Variants in RAB21 observed in about 807,000 individuals in gnomAD.
RAB21 encodes ras-related protein Rab-21.
In RAB21, 13 loss-of-function variants were observed where a neutral mutation model predicts 33.1. The observed-to-expected ratio is 0.39, with a 90% CI of 0.26 to 0.62. The LOEUF (loss-of-function observed/expected upper bound fraction) is 0.62, where lower values mean the gene tolerates loss of function less well. Among genes scored for constraint, RAB21 ranks in the 20% least tolerant of loss-of-function variants. RAB21 has a pLI of 0.48. For missense variants in RAB21, 234 were observed against 279.1 expected (o/e 0.84, Z 1.15); for synonymous variants, 91 against 103.7 (o/e 0.88, Z 0.74).
At chr12:71,755,393 A>C in intron 1 of RAB21, 105 bp downstream of exon 1, 48 of 1,289,694 alleles carry the variant, frequency 3.7e-5, no homozygotes, top group Non-Finnish European at 4.4e-5. Flanking sequence ...GGCAAATCTC[A>C]GGCCTGTCAT....
intron 1 of RAB21, among the ~76,000 whole-genome samples, chr12:71,760,110 C>T (rs1169322742): frequency 2.0e-5 from 3 of 152,176 alleles, no homozygotes; most frequent in Non-Finnish European, 4.4e-5. Flanking sequence ...ATTATTTTCA[C>T]ATGAATTATT....
At position 71,789,466 on chromosome 12, in the gene RAB21, T is replaced by C. The variant is rs1230926311; in HGVS notation, c.*3793T>C. The C allele has an allele frequency of 6.6e-6, 1 of 152,158 alleles. No homozygotes were observed. Among genetic ancestry groups the C allele is most frequent in the Non-Finnish European group, 1.5e-5 (1 of 67,994 alleles). 9.4% of individuals were successfully genotyped at this position (152,158 alleles called of 1,614,324 possible). ...GCCTTTAACTTTTAGAATTCATCTT[T>C]TGACTTGTTTGCCACTGTAGAGTTT... On this transcript the variant is annotated 3_prime_UTR_variant, in exon 7 of 7. Coordinates refer to ENST00000261263, the MANE Select transcript of RAB21 (RefSeq NM_014999.4).
At chr12:71,778,210 A>G (rs973770614) in intron 4 of RAB21, among the ~76,000 whole-genome samples, 2 of 152,200 alleles carry the variant, frequency 1.3e-5, no homozygotes, top group African/African-American at 4.8e-5. Context: ...ATGTTTCAAT[A>G]GCAGAGACTT....
At chr12:71,768,186 A>G (rs1327725791) in intron 1 of RAB21, among the ~76,000 whole-genome samples, 1 of 152,180 alleles carries the variant, frequency 6.6e-6, no homozygotes, top group African/African-American at 2.4e-5. Flanking sequence ...GTTTGAACCC[A>G]GCTCTGCCAT....
intron 4 of RAB21, among the ~76,000 whole-genome samples, chr12:71,779,781 G>A (rs1490491531): frequency 6.6e-6 from 1 of 152,122 alleles, no homozygotes; most frequent in Non-Finnish European, 1.5e-5. Flanking sequence ...TTAAGTAGGT[G>A]CTTGCTTTGG....
At chr12:71,778,684 T>C (rs1883155046) in intron 4 of RAB21, among the ~76,000 whole-genome samples, 2 of 152,228 alleles carry the variant, frequency 1.3e-5, no homozygotes, top group African/African-American at 2.4e-5. Context: ...GCTACTATTA[T>C]ATGTTATAAT....
rs1883308606 is a variant in RAB21 at position 71,787,252 on chromosome 12, T to C, written c.*1579T>C. 6.6e-6 allele frequency: 1 copy of C among 152,212 alleles called. No individual in the cohort carries two copies. The highest frequency in any genetic ancestry group is 2.1e-4 in the South Asian group (1 of 4,828). The allele number at this position is 152,212 out of a possible 1,614,324, so 9.4% of individuals were successfully genotyped here. On this transcript the variant is annotated 3_prime_UTR_variant, in exon 7 of 7. Coordinates refer to ENST00000261263, the MANE Select transcript of RAB21 (RefSeq NM_014999.4). ...GTATACTTTATAAATTAGTCCCTCA[T>C]TAGATTTTTTTTTCTTAAGCATAAG...
At chr12:71,780,306 A>C (rs1883179062) in intron 4 of RAB21, among the ~76,000 whole-genome samples, 1 of 152,200 alleles carries the variant, frequency 6.6e-6, no homozygotes, top group African/African-American at 2.4e-5. Flanking sequence ...GTTTTAGGTA[A>C]TTGAAGCAAA....
rs1425535008 is a variant in RAB21, at chr12:71,786,669, A to G, written c.*996A>G. The G allele has an allele frequency of 6.6e-6, 1 of 152,624 alleles. No homozygotes were observed. The highest frequency in any genetic ancestry group is 2.4e-5 in the African/African-American group (1 of 41,446). The allele number at this position is 152,624 out of a possible 1,614,324, so 9.5% of individuals were successfully genotyped here. A position where few individuals can be genotyped will look rare whatever the true frequency, so the allele number is the denominator to read the frequency against. On this transcript the variant is annotated 3_prime_UTR_variant, in exon 7 of 7. Transcript: ENST00000261263. The stretch of plus-strand genomic sequence containing the variant: ...GTGATTATGCCTAGCTTTTTTGACT[A>G]ATATAAAGATCATAGCTCCCCTTCA...
rs1828963982 is a variant in RAB21, at chr12:71,789,718, C to T, written c.*4045C>T. The T allele has an allele frequency of 6.6e-6, 1 of 152,088 alleles. No individual in the cohort carries two copies. Among genetic ancestry groups the T allele is most frequent in the Non-Finnish European group, 1.5e-5 (1 of 67,982 alleles). 9.4% of individuals were successfully genotyped at this position (152,088 alleles called of 1,614,324 possible). On this transcript the variant is annotated 3_prime_UTR_variant, in exon 7 of 7. Transcript: ENST00000261263. ...TTAAAAGCTGGAATTTATTGAACCG[C>T]ATCTACTTGATTTCATAATATGCAT... is the stretch of plus-strand genomic sequence containing the variant.
At chr12:71,771,391 G>A (rs1883040469) in intron 3 of RAB21, among the ~76,000 whole-genome samples, 1 of 152,164 alleles carries the variant, frequency 6.6e-6, no homozygotes, top group Non-Finnish European at 1.5e-5. Flanking sequence ...ATAATGCCAA[G>A]GAAGAAGCTT....
rs2137664616 is a variant in RAB21 at position 71,790,628 on chromosome 12, GGTA to G, written c.*4959_*4961del. The stretch of plus-strand genomic sequence containing the variant: ...GTGCCCTTTGGTAGTGCTCCCAAAT[GGTA>G]GTAACTATTGGTCTCTAGTATATAC... On this transcript the variant is annotated 3_prime_UTR_variant, in exon 7 of 7. Coordinates refer to ENST00000261263, the MANE Select transcript of RAB21 (RefSeq NM_014999.4). The G allele has an allele frequency of 6.6e-6, 1 of 152,154 alleles. No homozygotes were observed. Among genetic ancestry groups the G allele is most frequent in the African/African-American group, 2.4e-5 (1 of 41,514 alleles). 9.4% of individuals were successfully genotyped at this position (152,154 alleles called of 1,614,324 possible).
chr12:71,770,348 G>A (rs909717861), intron 2 of RAB21, among the ~76,000 whole-genome samples: 6 of 152,178 alleles, frequency 3.9e-5, no homozygotes, highest in Non-Finnish European at 5.9e-5. Context: ...GTGGGGAAGT[G>A]CTGAGGAGGA....
chr12:71,766,511 G>A (rs1882962840), intron 1 of RAB21, among the ~76,000 whole-genome samples: 1 of 152,086 alleles, frequency 6.6e-6, no homozygotes, highest in South Asian at 2.1e-4. Flanking sequence ...TATTTGAGAA[G>A]CTCTTAGAAC....
At chr12:71,760,765 AAC>A (rs1293365815) in intron 1 of RAB21, among the ~76,000 whole-genome samples, 1 of 152,182 alleles carries the variant, frequency 6.6e-6, no homozygotes, top group East Asian at 1.9e-4. Context: ...AATCAAGATC[AAC>A]AGTCCCCTTT....
At position 71,790,970 on chromosome 12, in the gene RAB21, C is replaced by G. The variant is rs928910745; in HGVS notation, c.*5297C>G. The G allele has an allele frequency of 6.6e-6, 1 of 151,582 alleles. No homozygotes were observed. The highest frequency in any genetic ancestry group is 1.5e-5 in the Non-Finnish European group (1 of 67,918). The allele number at this position is 151,582 out of a possible 1,614,324, so 9.4% of individuals were successfully genotyped here. A position where few individuals can be genotyped will look rare whatever the true frequency, so the allele number is the denominator to read the frequency against. On this transcript the variant is annotated 3_prime_UTR_variant, in exon 7 of 7. Transcript: ENST00000261263. ...TCTGTTAGGTGGATTTCATTAGTAT[C>G]CAAATTTATTTATTTTTTTATTTCA...
rs1883488047 is a variant in RAB21 at position 71,798,088 on chromosome 12, T to C, written c.*12415T>C. ...TTCACTATAAATTTGTAACAATAAA[T>C]TATTATTATTTTTGAGATGGAGTCT... On this transcript the variant is annotated 3_prime_UTR_variant, in exon 7 of 7. Coordinates refer to ENST00000261263, the MANE Select transcript of RAB21 (RefSeq NM_014999.4). The C allele has an allele frequency of 6.6e-6, 1 of 152,110 alleles. No homozygotes were observed. Among genetic ancestry groups the C allele is most frequent in the African/African-American group, 2.4e-5 (1 of 41,400 alleles). 9.4% of individuals were successfully genotyped at this position (152,110 alleles called of 1,614,324 possible). A position where few individuals can be genotyped will look rare whatever the true frequency, so the allele number is the denominator to read the frequency against.
chr12:71,775,474 G>A (rs1322169868), intron 4 of RAB21, among the ~76,000 whole-genome samples: 1 of 152,176 alleles, frequency 6.6e-6, no homozygotes, highest in Non-Finnish European at 1.5e-5. Context: ...GGAAGACAAG[G>A]GTAGTATCTG....
At chr12:71,766,804 T>G (rs978215943) in intron 1 of RAB21, among the ~76,000 whole-genome samples, 7 of 152,062 alleles carry the variant, frequency 4.6e-5, no homozygotes, top group Non-Finnish European at 1.0e-4. Flanking sequence ...TGGAATTTTA[T>G]GGACAGAAGA....
Sources: gnomAD v4.1 joint callset for allele counts (sites outside exome capture counted in the v4.1 genomes callset) on GRCh38, gnomAD v4.1.1 for gene constraint, MANE v1.5 for transcripts, NCBI Gene and HGNC (gene_info 2026-07-23, HGNC 2026-07-21) for gene names.